Variants in RAVER2 observed in about 807,000 individuals in gnomAD.
RAVER2 encodes the protein ribonucleoprotein, PTB binding 2, also known as ribonucleoprotein PTB-binding 2.
RAVER2 carries 46 observed loss-of-function variants against 78.1 expected under a neutral mutation model. The observed-to-expected ratio is 0.59, with a 90% CI of 0.46 to 0.75. RAVER2 has a LOEUF of 0.75. RAVER2 is among the 30% of genes least tolerant of loss of function. The probability of loss-of-function intolerance (pLI) is 0.00; values close to 1 mark genes in which losing one functional copy is unlikely to be tolerated. For missense variants in RAVER2, 793 were observed against 837.5 expected, an observed-to-expected ratio of 0.95 and a Z score of 0.66; for synonymous variants, 311 against 313.3, an observed-to-expected ratio of 0.99 and a Z score of 0.08.
Position 64,760,768 on chromosome 1 carries a change from CATCCCAAATGTTGTTCTTGGCCCCA to C in RAVER2, c.250-7885_250-7861del, listed in dbSNP as rs540347260. Among the ~76,000 whole-genome samples, 676 of 152,312 alleles carry C rather than the reference CATCCCAAATGTTGTTCTTGGCCCCA, an allele frequency of 4.4e-3. 11 individuals carry two copies. Among genetic ancestry groups the C allele is most frequent in the Non-Finnish European group, 2.9e-3 (196 of 68,020 alleles). Reference sequence around the variant, plus strand: ...ACCTCCAAGGAATTTGCATGGTAGACATCCCAAATGTTGTTCTTGGCCCCAATTCCCATTCTAAGATTAGGAGGCC... The same window carrying C: ...ACCTCCAAGGAATTTGCATGGTAGACATTCCCATTCTAAGATTAGGAGGCC... On this transcript the variant is annotated intron_variant, in intron 1 of 11. Coordinates refer to ENST00000294428, the Ensembl canonical transcript of RAVER2.
intron 2 of RAVER2, among the ~76,000 whole-genome samples, chr1:64,772,459 T>C (rs1171110382): frequency 3.3e-5 from 5 of 152,126 alleles, no homozygotes; most frequent in Admixed American, 1.3e-4. Flanking sequence ...ACCATGATAG[T>C]TGGTGGAATT....
At chr1:64,821,587 G>C (rs1217720391) in intron 11 of RAVER2, among the ~76,000 whole-genome samples, 1 of 152,140 alleles carries the variant, frequency 6.6e-6, no homozygotes. Context: ...TAGACCAATG[G>C]AACAGAATAG....
intron 2 of RAVER2, among the ~76,000 whole-genome samples, chr1:64,775,254 G>A (rs1432692569): frequency 6.6e-6 from 1 of 152,208 alleles, no homozygotes; most frequent in Non-Finnish European, 1.5e-5. Context: ...ATAGATTGGG[G>A]AGTATAATGG....
In RAVER2 at chr1:64,787,678, A is replaced by G. The variant is rs962774367; in HGVS notation, c.979-1710A>G. ...CCCATTGTCTCTGCACTTGTGTGCC[A>G]TCCTGCTGTTCGTTGGTCCTATGGC... On this transcript the variant is annotated intron_variant, in intron 4 of 11. Coordinates refer to ENST00000294428, the Ensembl canonical transcript of RAVER2. Among the ~76,000 whole-genome samples, 7 of 152,310 alleles carry G rather than the reference A, an allele frequency of 4.6e-5. No homozygotes were observed. In the East Asian group the frequency reaches 1.2e-3, roughly 25 times the overall value.
chr1:64,748,385 G>C (rs1031767123), intron 1 of RAVER2, among the ~76,000 whole-genome samples: 1 of 152,138 alleles, frequency 6.6e-6, no homozygotes, highest in Non-Finnish European at 1.5e-5. Flanking sequence ...AGCTCCTTCT[G>C]CATGCTACTT....
chr1:64,762,044 G>T (rs1244020385), intron 1 of RAVER2, among the ~76,000 whole-genome samples: 1 of 152,060 alleles, frequency 6.6e-6, no homozygotes, highest in Non-Finnish European at 1.5e-5. Flanking sequence ...GAGCCTAGGA[G>T]GTTGATAATA....
intron 4 of RAVER2, among the ~76,000 whole-genome samples, chr1:64,789,036 A>G (rs1289255001): frequency 1.3e-5 from 2 of 152,236 alleles, no homozygotes; most frequent in South Asian, 4.1e-4. Context: ...ACATTATAAG[A>G]AGGCTCTTCT....
intron 4 of RAVER2, among the ~76,000 whole-genome samples, chr1:64,787,044 C>T (rs1652800401): frequency 6.6e-6 from 1 of 152,112 alleles, no homozygotes; most frequent in East Asian, 1.9e-4. Flanking sequence ...TTCCTCAATA[C>T]TTATGTTTTT....
At chr1:64,766,945 C>T (rs1652189957) in intron 1 of RAVER2, among the ~76,000 whole-genome samples, 1 of 152,030 alleles carries the variant, frequency 6.6e-6, no homozygotes. Flanking sequence ...TAAAAATTAC[C>T]ATAGTAATAT....
rs1557590686 is a variant in RAVER2 at position 64,778,079 on chromosome 1, CT to C, written c.774del (p.Val259CysfsTer37). ...CAAATTTTTTCCAGTGTCCATAAAC[CT>C]GTGTTTTGCCAGGTATGTATTTTTA... On this transcript the variant is annotated frameshift_variant, in exon 3 of 12. Coordinates refer to ENST00000294428, the Ensembl canonical transcript of RAVER2. LOFTEE classifies it high-confidence loss of function. 1 of 1,604,278 alleles carries C rather than the reference CT, an allele frequency of 6.2e-7. No homozygotes were observed. The highest frequency in any genetic ancestry group is 1.3e-5 in the African/African-American group (1 of 74,588).
At chr1:64,781,487 G>C (rs771720082) in exon 4 of RAVER2, 1 of 1,614,108 alleles carries the variant, frequency 6.2e-7, no homozygotes, top group Non-Finnish European at 8.5e-7. Flanking sequence ...TGACCATCAA[G>C]GGCAGCAAAG....
chr1:64,765,884 A>G (rs1225143463), intron 1 of RAVER2, among the ~76,000 whole-genome samples: 2 of 152,192 alleles, frequency 1.3e-5, no homozygotes, highest in Admixed American at 1.3e-4. Context: ...TTCTTAAAAC[A>G]TTTTTTTAAA....
intron 11 of RAVER2, among the ~76,000 whole-genome samples, chr1:64,820,491 A>G (rs1476991800): frequency 6.6e-6 from 1 of 152,082 alleles, no homozygotes; most frequent in Non-Finnish European, 1.5e-5. Context: ...GTTTTTTTGT[A>G]CATATTATTT....
rs577748435 is a variant in RAVER2, at chr1:64,797,924, C to CT, written c.1106-5041dup. Reference sequence around the variant, plus strand: ...TTAAAGTAATGTAGTTTTTTTTTTTCTTTTTTTTTTTATTATACTTTAAGT... The same window carrying CT: ...TTAAAGTAATGTAGTTTTTTTTTTTCTTTTTTTTTTTTATTATACTTTAAGT... On this transcript the variant is annotated intron_variant, in intron 5 of 11. Transcript: ENST00000294428. 2.9e-3 allele frequency among the ~76,000 whole-genome samples: 398 copies of CT among 135,640 alleles called. 3 individuals carry two copies. Among genetic ancestry groups the CT allele is most frequent in the Admixed American group, 0.019 (255 of 13,584 alleles). 89.0% of individuals were successfully genotyped at this position (135,640 alleles called of 152,430 possible). A position where few individuals can be genotyped will look rare whatever the true frequency, so the allele number is the denominator to read the frequency against.
chr1:64,755,701 T>C (rs576744895), intron 1 of RAVER2, among the ~76,000 whole-genome samples: 4 of 151,302 alleles, frequency 2.6e-5, no homozygotes, highest in Non-Finnish European at 5.9e-5. Flanking sequence ...GTAATCTCCA[T>C]TTCTCTGACT....
At chr1:64,790,029 A>G (rs1276865835) in intron 5 of RAVER2, among the ~76,000 whole-genome samples, 1 of 152,220 alleles carries the variant, frequency 6.6e-6, no homozygotes, top group East Asian at 1.9e-4. Context: ...TATACATTAA[A>G]TATCTACCTA....
At chr1:64,763,424 A>G (rs2100816629) in intron 1 of RAVER2, among the ~76,000 whole-genome samples, 1 of 152,360 alleles carries the variant, frequency 6.6e-6, no homozygotes, top group Non-Finnish European at 1.5e-5. Flanking sequence ...TAATATCATT[A>G]TAAGTCAAAG....
At chr1:64,830,751 T>G in intron 11 of RAVER2, 88 bp from the exon 12 acceptor site, 1 of 1,254,378 alleles carries the variant, frequency 8.0e-7, no homozygotes, top group Non-Finnish European at 1.1e-6. Context: ...ATTCACCAAG[T>G]CAAAGTGGAA....
At chr1:64,830,791 A>G in intron 11 of RAVER2, 48 bp from the exon 12 acceptor site, 1 of 1,487,828 alleles carries the variant, frequency 6.7e-7, no homozygotes, top group Non-Finnish European at 9.2e-7. Context: ...TTTAATGAAT[A>G]AGCCAACTTT....
Sources: allele counts gnomAD v4.1 joint callset (sites outside exome capture counted in the v4.1 genomes callset), GRCh38; gene constraint gnomAD v4.1.1; transcripts MANE v1.5; gene names NCBI Gene and HGNC (gene_info 2026-07-23, HGNC 2026-07-21).